Variants in KLHL14 observed in about 807,000 individuals in gnomAD.
KLHL14 encodes the protein kelch-like protein 14.
KLHL14 carries 22 observed loss-of-function variants against 64.3 expected under a neutral mutation model. The ratio of observed to expected loss-of-function variants is 0.34; its 90% confidence interval spans 0.24 to 0.49. The LOEUF (loss-of-function observed/expected upper bound fraction) is 0.49. Ranked by LOEUF, KLHL14 falls within the 20% of genes least tolerant of loss-of-function variation. The probability of loss-of-function intolerance (pLI) is 0.99; values close to 1 mark genes in which losing one functional copy is unlikely to be tolerated. For synonymous variants in KLHL14, 322 were observed against 333.4 expected (o/e 0.97, Z 0.37); for missense variants, 661 against 789.0 (o/e 0.84, Z 1.94).
At chr18:32,762,548 C>G (rs987034273) in intron 2 of KLHL14, among the ~76,000 whole-genome samples, 4 of 151,886 alleles carry the variant, frequency 2.6e-5, no homozygotes, top group African/African-American at 7.2e-5. Flanking sequence ...TTCTGCTTTA[C>G]TTCTAGTGTT....
intron 3 of KLHL14, among the ~76,000 whole-genome samples, chr18:32,732,840 A>G (rs142067521): frequency 1.0e-3 from 156 of 152,372 alleles, no homozygotes; most frequent in Non-Finnish European, 1.7e-3. Flanking sequence ...AGAAGAGTAG[A>G]AAGACAGAAA....
At chr18:32,714,135 C>T (rs1180636686) in intron 3 of KLHL14, among the ~76,000 whole-genome samples, 1 of 151,938 alleles carries the variant, frequency 6.6e-6, no homozygotes, top group African/African-American at 2.4e-5. Context: ...ACTAAAATTA[C>T]AAATTGCAAT....
At chr18:32,736,403 T>C (rs936223262) in intron 3 of KLHL14, among the ~76,000 whole-genome samples, 4 of 152,028 alleles carry the variant, frequency 2.6e-5, no homozygotes, top group African/African-American at 4.8e-5. Context: ...CACAATTGTC[T>C]CTCCTTCTTT....
intron 3 of KLHL14, chr18:32,738,349 C>T (rs2050177126): frequency 1.3e-5 from 2 of 152,270 alleles, no homozygotes; most frequent in South Asian, 4.1e-4. Flanking sequence ...ATTCATGTCT[C>T]CTGTACTGCT....
intron 2 of KLHL14, among the ~76,000 whole-genome samples, chr18:32,752,852 C>T (rs892209014): frequency 1.4e-5 from 2 of 143,478 alleles, no homozygotes; most frequent in African/African-American, 2.6e-5. Context: ...GGCGGGATCT[C>T]GGCTCACTGC....
At chr18:32,685,814 T>C (rs1444186561) in intron 5 of KLHL14, among the ~76,000 whole-genome samples, 1 of 152,204 alleles carries the variant, frequency 6.6e-6, no homozygotes, top group African/African-American at 2.4e-5. Context: ...AGATTCATGC[T>C]GTCTTGCTGC....
intron 3 of KLHL14, among the ~76,000 whole-genome samples, chr18:32,704,231 G>A (rs1393643746): frequency 6.6e-6 from 1 of 152,184 alleles, no homozygotes; most frequent in Non-Finnish European, 1.5e-5. Flanking sequence ...TGATTGTTAT[G>A]TAGTTTAAAT....
At chr18:32,686,220 G>A (rs1371119385) in intron 5 of KLHL14, among the ~76,000 whole-genome samples, 3 of 145,008 alleles carry the variant, frequency 2.1e-5, no homozygotes, top group African/African-American at 5.1e-5. Context: ...TAGTAGAGAC[G>A]GGGTTTCACC....
chr18:32,760,056 G>A (rs983816609), intron 2 of KLHL14, among the ~76,000 whole-genome samples: 1 of 152,148 alleles, frequency 6.6e-6, no homozygotes, highest in Admixed American at 6.5e-5. Flanking sequence ...CTCTGATGTG[G>A]TTGGTTTTGA....
At chr18:32,697,373 G>A (rs2049942017) in intron 3 of KLHL14, among the ~76,000 whole-genome samples, 1 of 152,128 alleles carries the variant, frequency 6.6e-6, no homozygotes, top group Admixed American at 6.6e-5. Flanking sequence ...TCCAGTTGAT[G>A]GTAATGTCCT....
chr18:32,676,575 G>T (rs1489165919), intron 8 of KLHL14, among the ~76,000 whole-genome samples: 1 of 152,112 alleles, frequency 6.6e-6, no homozygotes, highest in East Asian at 1.9e-4. Flanking sequence ...AGCATTTAGG[G>T]TGAAATGATA....
intron 3 of KLHL14, chr18:32,738,080 C>A (rs2050175473): frequency 6.6e-6 from 1 of 152,032 alleles, no homozygotes; most frequent in South Asian, 2.1e-4. Flanking sequence ...AAAAAGGATG[C>A]CAGCTCCTGG....
chr18:32,751,857 T>C (rs572647701), intron 2 of KLHL14, among the ~76,000 whole-genome samples: 2 of 152,348 alleles, frequency 1.3e-5, no homozygotes, highest in East Asian at 1.9e-4. Context: ...TCCAACGTAG[T>C]GTCTCATGCC....
intron 3 of KLHL14, among the ~76,000 whole-genome samples, chr18:32,697,629 A>C (rs112146611): frequency 3.9e-5 from 6 of 152,212 alleles, no homozygotes; most frequent in African/African-American, 1.4e-4. Context: ...ACAGTCTCTG[A>C]AAATAAAATG....
rs750479478 is a variant in KLHL14 at position 32,674,633 on chromosome 18, T to G, written c.*24A>C. ...GCCATTGCTTCCTAGAATGTGATAC[T>G]GTTCATTCCAGAGTTTCCTGGTGTT... is the stretch of plus-strand genomic sequence containing the variant. On this transcript the variant is annotated 3_prime_UTR_variant, in exon 9 of 9. Coordinates refer to ENST00000359358, the MANE Select transcript of KLHL14 (RefSeq NM_020805.3). 1.3e-6 allele frequency: 1 copy of G among 779,088 alleles called. No homozygotes were observed. The highest frequency in any genetic ancestry group is 1.7e-5 in the African/African-American group (1 of 59,072). 48.3% of individuals were successfully genotyped at this position (779,088 alleles called of 1,614,324 possible).
At position 32,673,218 on chromosome 18, in the gene KLHL14, G is replaced by C. The variant is rs1269028746; in HGVS notation, c.*1439C>G. On this transcript the variant is annotated 3_prime_UTR_variant, in exon 9 of 9. Transcript: ENST00000359358. ...CCAGTATACCCATTTATCTTGACGT[G>C]CTCTGCCATGAAAGCTTATCACTAA... 1 of 152,556 alleles carries C rather than the reference G, an allele frequency of 6.6e-6. No individual in the cohort carries two copies. 9.5% of individuals were successfully genotyped at this position (152,556 alleles called of 1,614,324 possible).
intron 7 of KLHL14, among the ~76,000 whole-genome samples, chr18:32,678,174 G>C (rs1206390645): frequency 6.6e-6 from 1 of 152,090 alleles, no homozygotes; most frequent in African/African-American, 2.4e-5. Context: ...GTCTCTACTG[G>C]AGCCCTGCCT....
chr18:32,752,778 CTTTTTTT>C (rs61338140), intron 2 of KLHL14, among the ~76,000 whole-genome samples: 1 of 95,442 alleles, frequency 1.0e-5, no homozygotes. Flanking sequence ...AATGTGGGAA[CTTTTTTT>C]TTTTTTTTTT....
chr18:32,718,605 T>G (rs1168491340), intron 3 of KLHL14, among the ~76,000 whole-genome samples: 1 of 152,178 alleles, frequency 6.6e-6, no homozygotes, highest in Admixed American at 6.5e-5. Flanking sequence ...TGAAGTGTAG[T>G]ATTTTACCAC....
Sources: allele counts gnomAD v4.1 joint callset (sites outside exome capture counted in the v4.1 genomes callset), GRCh38; gene constraint gnomAD v4.1.1; transcripts MANE v1.5; gene names NCBI Gene and HGNC (gene_info 2026-07-23, HGNC 2026-07-21).